ADGRV1: variants seen among roughly 807,000 people sequenced by gnomAD.
ADGRV1 encodes G-protein coupled receptor 98.
ADGRV1 carries 359 observed loss-of-function variants against 596.2 expected under a neutral mutation model. The ratio of observed to expected loss-of-function variants is 0.60; its 90% CI spans 0.55 to 0.66. The LOEUF is 0.66. Ranked by LOEUF, ADGRV1 falls within the 30% of genes least tolerant of loss-of-function variation. The pLI, the probability that ADGRV1 is intolerant of heterozygous loss-of-function variation, is 0.00. For synonymous variants in ADGRV1, 2,681 were observed against 2,679.2 expected (o/e 1.00, Z -0.02); for missense variants, 7,274 against 7,575.6 (o/e 0.96, Z 1.48).
chr5:90,617,993 A>T, intron 3 of ADGRV1, 40 bp downstream of exon 3: 1 of 1,405,616 alleles, frequency 7.1e-7, no homozygotes, highest in Non-Finnish European at 9.6e-7. Flanking sequence ...TATAAGGAGG[A>T]CTTATAAAAC....
intron 6 of ADGRV1, 112 bp downstream of exon 6, chr5:90,625,355 T>A (rs1580496358): frequency 1.7e-6 from 1 of 599,484 alleles, no homozygotes; most frequent in African/African-American, 1.8e-5. Context: ...AATAGCTGAC[T>A]GTTCTGGAAT....
chr5:90,645,397 G>T (rs1198647562), intron 15 of ADGRV1, among the ~76,000 whole-genome samples: 2 of 152,130 alleles, frequency 1.3e-5, no homozygotes, highest in South Asian at 2.1e-4. Context: ...TCTGTTTTAG[G>T]GGGAGGGGAG....
chr5:90,811,352 A>G lies in ADGRV1; in HGVS notation c.16078+14A>G. On this transcript the variant is annotated intron_variant, in intron 74 of 89. Transcript: ENST00000405460. Reference sequence around the variant, plus strand: ...TTATTATTACAGGTATATCTTTGAAATGATGGAGATAAAAATATACTTTTA... The same window carrying G: ...TTATTATTACAGGTATATCTTTGAAGTGATGGAGATAAAAATATACTTTTA... 2 of 1,554,072 alleles carry G rather than the reference A, an allele frequency of 1.3e-6. No homozygotes were observed. The highest frequency in any genetic ancestry group is 1.2e-5 in the South Asian group (1 of 80,756).
intron 87 of ADGRV1, among the ~76,000 whole-genome samples, chr5:91,120,334 ATT>A (rs1487904594): frequency 6.6e-6 from 1 of 152,106 alleles, no homozygotes; most frequent in Non-Finnish European, 1.5e-5. Context: ...AAACCTCCTA[ATT>A]TGTGAATGGT....
In ADGRV1 at chr5:90,690,996, C is replaced by G. The variant is rs776724276; in HGVS notation, c.6906C>G (p.Thr2302=). The G allele has an allele frequency of 3.7e-6, 6 of 1,613,730 alleles. No individual in the cohort carries two copies. The South Asian group carries it at 6.6e-5, about 18-fold the overall frequency. Residue 2302 remains threonine (T), a synonymous_variant, in exon 31 of 90, where the codon ACC becomes ACG. Coordinates refer to ENST00000405460, the MANE Select transcript of ADGRV1 (RefSeq NM_032119.4). ...TTGCCCCTGGGGAAACCATTCAAAC[C>G]TTGTTGTTAGAGGTCCTGGCTGACG... ...VTFAPGETIQ[T]LLLEVLADDV...
At chr5:90,859,405 A>G (rs538376190) in intron 82 of ADGRV1, among the ~76,000 whole-genome samples, 1 of 152,024 alleles carries the variant, frequency 6.6e-6, no homozygotes, top group East Asian at 1.9e-4. Flanking sequence ...GCCATACCAT[A>G]TTTTTCTAGC....
intron 53 of ADGRV1, 73 bp downstream of exon 53, chr5:90,750,770 C>T (rs1368445405): frequency 8.7e-7 from 1 of 1,153,406 alleles, no homozygotes; most frequent in Non-Finnish European, 1.3e-6. Context: ...CCAAATCCTG[C>T]CTTATGGATG....
chr5:91,076,561 C>G (rs1788870588), intron 86 of ADGRV1, among the ~76,000 whole-genome samples: 2 of 151,860 alleles, frequency 1.3e-5, no homozygotes, highest in Admixed American at 1.3e-4. Flanking sequence ...AAAATGGATA[C>G]CCAAGCTAAA....
intron 77 of ADGRV1, among the ~76,000 whole-genome samples, chr5:90,830,017 A>G (rs1475968548): frequency 1.3e-5 from 2 of 152,136 alleles, no homozygotes; most frequent in Non-Finnish European, 2.9e-5. Flanking sequence ...AAGATTTCAC[A>G]GTTTCATTAA....
chr5:91,077,938 A>G (rs1435258777), intron 86 of ADGRV1, among the ~76,000 whole-genome samples: 2 of 152,184 alleles, frequency 1.3e-5, no homozygotes, highest in African/African-American at 4.8e-5. Context: ...GGATCAGGAG[A>G]GGAAAATTCA....
At chr5:91,049,554 C>A (rs561701054) in intron 85 of ADGRV1, among the ~76,000 whole-genome samples, 49 of 152,104 alleles carry the variant, frequency 3.2e-4, no homozygotes, top group Non-Finnish European at 6.5e-4. Flanking sequence ...AATGGCCATA[C>A]CTGGACACTT....
chr5:90,793,049 A>G (rs1760255613), intron 70 of ADGRV1: 1 of 152,180 alleles, frequency 6.6e-6, no homozygotes, highest in Non-Finnish European at 1.5e-5. Flanking sequence ...TTTTTTTCTC[A>G]TCAACATTAT....
At chr5:90,732,626 C>A (rs540278138) in intron 50 of ADGRV1, among the ~76,000 whole-genome samples, 31 of 152,248 alleles carry the variant, frequency 2.0e-4, no homozygotes, top group African/African-American at 6.0e-4. Context: ...CACGCCCTGG[C>A]CCCTGGCAAG....
intron 21 of ADGRV1, among the ~76,000 whole-genome samples, chr5:90,669,045 A>C (rs945088481): frequency 6.6e-6 from 1 of 152,230 alleles, no homozygotes; most frequent in African/African-American, 2.4e-5. Context: ...TTATATTTAC[A>C]TATTAAGATT....
rs1561814669 is a variant in ADGRV1 at position 90,829,105 on chromosome 5, CAAG to C, written c.16534_16536del (p.Lys5512del). 6.2e-7 allele frequency: 1 copy of C among 1,612,110 alleles called. No homozygotes were observed. The highest frequency in any genetic ancestry group is 2.2e-5 in the East Asian group (1 of 44,868). ...TGGGTTCTCGGCTGGCAGTGGCTCA[CAAG>C]AAGGCCACTTTAATCAGTCTGCAGG... On this transcript the variant is annotated inframe_deletion, in exon 77 of 90. Transcript: ENST00000405460.
intron 21 of ADGRV1, among the ~76,000 whole-genome samples, chr5:90,670,844 C>A (rs1431978224): frequency 1.3e-5 from 2 of 152,236 alleles, no homozygotes; most frequent in Non-Finnish European, 2.9e-5. Flanking sequence ...GGAATTAATA[C>A]TTTGGCTAAT....
At chr5:90,560,906 C>T (rs534456486) in intron 1 of ADGRV1, among the ~76,000 whole-genome samples, 1 of 152,176 alleles carries the variant, frequency 6.6e-6, no homozygotes, top group South Asian at 2.1e-4. Context: ...TTAAGTATGT[C>T]AGATGTCTTT....
chr5:90,811,194 G>A lies in ADGRV1; in HGVS notation c.15934G>A (p.Val5312Ile), dbSNP rs61731029. The stretch of plus-strand genomic sequence containing the variant: ...CCTAGATGGAGAAAGAGAACGTAAA[G>A]TATCAGTTCAAATTTTGGATGATGA... ...IFLDGERERK[V>I]SVQILDDDEP... Residue 5312 changes from valine (V) to isoleucine (I), a missense_variant, in exon 74 of 90, where the codon GTA becomes ATA. Physicochemically the swap from Val to Ile is conservative, Grantham distance 29. Transcript: ENST00000405460. 3.1e-6 allele frequency: 5 copies of A among 1,613,550 alleles called. No homozygotes were observed. Among genetic ancestry groups the A allele is most frequent in the Middle Eastern group, 1.6e-4 (1 of 6,062 alleles).
chr5:90,643,065 G>C, intron 13 of ADGRV1, 24 bp downstream of exon 13: 1 of 1,570,956 alleles, frequency 6.4e-7, no homozygotes, highest in Non-Finnish European at 8.8e-7. Context: ...TATTTTCTTT[G>C]TGTTTCTCTG....
Sources: allele counts gnomAD v4.1 joint callset (sites outside exome capture counted in the v4.1 genomes callset), GRCh38; gene constraint gnomAD v4.1.1; transcripts MANE v1.5; gene names NCBI Gene and HGNC (gene_info 2026-07-23, HGNC 2026-07-21).